The following MPDZ variants were observed in gnomAD, a reference collection of about 807,000 sequenced individuals.
The protein encoded by MPDZ is multiple PDZ domain protein.
A neutral mutation model predicts 239.1 loss-of-function variants in MPDZ; 234 were observed. The ratio of observed to expected loss-of-function variants is 0.98; its 90% CI spans 0.88 to 1.09. The LOEUF is 1.09. Ranked by LOEUF, MPDZ falls within the 50% of genes least tolerant of loss-of-function variation. The pLI, the probability that MPDZ is intolerant of heterozygous loss-of-function variation, is 0.00. For missense variants in MPDZ, 3,175 were observed against 2,510.0 expected, an observed-to-expected ratio of 1.26 and a Z score of -5.66; for synonymous variants, 1,048 against 881.3, an observed-to-expected ratio of 1.19 and a Z score of -3.35.
chr9:13,217,217 T>A lies in MPDZ; in HGVS notation c.1164A>T (p.Gly388=), dbSNP rs150409117. The change falls in exon 9 of 47, where the codon GGA becomes GGT. Residue 388 remains glycine, a synonymous_variant. Transcript: ENST00000319217. Reference sequence around the variant, plus strand: ...CTCCAATGTAGCCAGCAATGGTAATTCCTAATCCTTGGACATTTTTAGTGA... The same window carrying A: ...CTCCAATGTAGCCAGCAATGGTAATACCTAATCCTTGGACATTTTTAGTGA... The part of the protein sequence containing the change: ...VELTKNVQGL[G]ITIAGYIGDK... 8.8e-4 allele frequency: 1,409 copies of A among 1,602,586 alleles called. 11 individuals are homozygous for A. The African/African-American group carries it at 0.016, about 19-fold the overall frequency.
intron 4 of MPDZ, 48 bp downstream of exon 4, chr9:13,224,326 T>G (rs748187884): frequency 6.9e-7 from 1 of 1,442,650 alleles, no homozygotes; most frequent in Non-Finnish European, 9.6e-7. Flanking sequence ...ATCACATTCT[T>G]AAATTACTAC....
chr9:13,258,550 T>G (rs1475818698), intron 1 of MPDZ, among the ~76,000 whole-genome samples: 8 of 152,210 alleles, frequency 5.3e-5, no homozygotes, highest in African/African-American at 1.9e-4. Context: ...ATAAATCCAA[T>G]TGTCCATAAC....
In MPDZ at chr9:13,158,080, C is replaced by T. The variant is rs373277506; in HGVS notation, c.3390G>A (p.Glu1130=). The T allele has an allele frequency of 5.1e-5, 83 of 1,612,664 alleles. No homozygotes were observed. In the East Asian group the frequency reaches 1.1e-3, roughly 21 times the overall value. Residue 1130 remains glutamate (E), a synonymous_variant, in exon 24 of 47, where the codon GAG becomes GAA. Coordinates refer to ENST00000319217, the MANE Select transcript of MPDZ (RefSeq NM_001378778.1). ...GAAGTTCGCTTTCTTCACCCTCTCCCTCTTCTCGCTCTGGTAATTCTGGAA... is the reference window on the plus strand; with the variant it reads ...GAAGTTCGCTTTCTTCACCCTCTCCTTCTTCTCGCTCTGGTAATTCTGGAA... ...RDIPELPERE[E]GEGEESELQN... is the part of the protein sequence containing the mutation.
chr9:13,242,043 G>T (rs1234969131), intron 3 of MPDZ, among the ~76,000 whole-genome samples: 4 of 151,984 alleles, frequency 2.6e-5, no homozygotes. Context: ...TACTTGTGTG[G>T]CCTTGGGCAG....
chr9:13,242,287 G>A (rs752920651), intron 3 of MPDZ, among the ~76,000 whole-genome samples: 10 of 125,678 alleles, frequency 8.0e-5, no homozygotes, highest in East Asian at 2.7e-4. Context: ...GTGCAGTGGC[G>A]CAATCTGGGC....
chr9:13,122,042 C>A (rs767137705), intron 37 of MPDZ, 45 bp downstream of exon 37: 50 of 1,606,474 alleles, frequency 3.1e-5, no homozygotes, highest in Non-Finnish European at 4.2e-5. Flanking sequence ...CCCCCAGGAG[C>A]CTTTTCTCTG....
Position 13,150,583 on chromosome 9 carries a change from GA to G in MPDZ, c.3557del (p.Phe1186SerfsTer17), listed in dbSNP as rs1949030531. The stretch of plus-strand genomic sequence containing the variant: ...GACTATCTTCCAGAACATGTTTGAT[GA>G]AAATGCCCCTCATCACTTCTCCATT... ...LSNGEVMRGI[F>X]IKHVLEDSPA... On this transcript the variant is annotated frameshift_variant, in exon 25 of 47. Transcript: ENST00000319217. LOFTEE classifies it high-confidence loss of function. 1.9e-6 allele frequency: 3 copies of G among 1,562,382 alleles called. No individual in the cohort carries two copies. The highest frequency in any genetic ancestry group is 1.8e-5 in the Admixed American group (1 of 56,484).
At chr9:13,240,498 G>A (rs1472275745) in intron 3 of MPDZ, among the ~76,000 whole-genome samples, 2 of 144,338 alleles carry the variant, frequency 1.4e-5, no homozygotes, top group Non-Finnish European at 3.0e-5. Flanking sequence ...TCTCTTCAGG[G>A]ATGCTATTAA....
At chr9:13,155,561 C>T (rs943030491) in intron 24 of MPDZ, among the ~76,000 whole-genome samples, 2 of 151,794 alleles carry the variant, frequency 1.3e-5, no homozygotes, top group Non-Finnish European at 1.5e-5. Flanking sequence ...AAAAATTAAG[C>T]AAAATGGAAA....
At chr9:13,190,403 C>A in intron 15 of MPDZ, 104 bp from the exon 16 acceptor site, 1 of 986,504 alleles carries the variant, frequency 1.0e-6, no homozygotes, top group African/African-American at 1.6e-5. Context: ...CCAAACAAAA[C>A]ATCCTCAAAC....
chr9:13,107,481 C>A (rs181167450), intron 46 of MPDZ, among the ~76,000 whole-genome samples: 1 of 152,072 alleles, frequency 6.6e-6, no homozygotes, highest in African/African-American at 2.4e-5. Context: ...ATAAGACCTA[C>A]AGAAAGAAGG....
intron 15 of MPDZ, 46 bp from the exon 16 acceptor site, chr9:13,190,345 T>G: frequency 7.0e-7 from 1 of 1,432,326 alleles, no homozygotes; most frequent in Non-Finnish European, 9.2e-7. Flanking sequence ...TTGCATTAGC[T>G]GACACACATA....
chr9:13,179,344 C>T (rs1051613771), intron 19 of MPDZ, among the ~76,000 whole-genome samples: 1 of 152,032 alleles, frequency 6.6e-6, no homozygotes, highest in Non-Finnish European at 1.5e-5. Context: ...AAATCATCTC[C>T]CCCATGCCTC....
chr9:13,121,999 A>C, intron 37 of MPDZ, 67 bp from the exon 38 acceptor site: 1 of 1,595,602 alleles, frequency 6.3e-7, no homozygotes, highest in African/African-American at 1.3e-5. Context: ...TGGGGAAGGG[A>C]AGAGAGAGAA....
At chr9:13,215,777 CTTT>C (rs1433885648) in intron 10 of MPDZ, among the ~76,000 whole-genome samples, 1 of 62,328 alleles carries the variant, frequency 1.6e-5, no homozygotes, top group African/African-American at 6.4e-5. Context: ...TTTTTTTTGT[CTTT>C]TTTTAGAGGC....
chr9:13,247,099 G>A (rs1966736996), intron 3 of MPDZ, among the ~76,000 whole-genome samples: 1 of 152,162 alleles, frequency 6.6e-6, no homozygotes, highest in Non-Finnish European at 1.5e-5. Context: ...CATCTGAGCT[G>A]TCATGGAAGC....
chr9:13,277,467 T>C (rs893884178), intron 1 of MPDZ, among the ~76,000 whole-genome samples: 9 of 152,228 alleles, frequency 5.9e-5, no homozygotes, highest in African/African-American at 1.7e-4. Flanking sequence ...TTTGCCTACA[T>C]TGCACACAAG....
intron 10 of MPDZ, among the ~76,000 whole-genome samples, chr9:13,215,136 C>G (rs1330134284): frequency 6.6e-6 from 1 of 152,046 alleles, no homozygotes; most frequent in East Asian, 1.9e-4. Flanking sequence ...TCCCCTCTCC[C>G]CAGTCCCTGG....
intron 24 of MPDZ, among the ~76,000 whole-genome samples, chr9:13,153,284 G>C (rs1364348238): frequency 6.6e-6 from 1 of 152,070 alleles, no homozygotes; most frequent in East Asian, 1.9e-4. Flanking sequence ...TATAACTCTA[G>C]AAACTCTACC....
Sources: gnomAD v4.1 joint callset for allele counts (sites outside exome capture counted in the v4.1 genomes callset) on GRCh38, gnomAD v4.1.1 for gene constraint, MANE v1.5 for transcripts, NCBI Gene and HGNC (gene_info 2026-07-23, HGNC 2026-07-21) for gene names.